The following TK2 variants were observed in gnomAD, a reference collection of about 807,000 sequenced individuals.
TK2 encodes thymidine kinase 2, mitochondrial.
A neutral mutation model predicts 41.9 loss-of-function variants in TK2; 35 were observed. The ratio of observed to expected loss-of-function variants is 0.84; its 90% confidence interval spans 0.64 to 1.11. The LOEUF is 1.11. TK2 is among the 50% of genes least tolerant of loss of function. The pLI, the probability that TK2 is intolerant of heterozygous loss-of-function variation, is 0.00. For synonymous variants in TK2, 128 were observed against 129.1 expected, an observed-to-expected ratio of 0.99 and a Z score of 0.06; for missense variants, 320 against 351.1, an observed-to-expected ratio of 0.91 and a Z score of 0.71.
Position 66,531,428 on chromosome 16 carries a change from T to A in TK2, c.327A>T (p.Leu109=). Residue 109 remains leucine (L), a synonymous_variant, in exon 5 of 10, where the codon CTA becomes CTT. Transcript: ENST00000544898. ...GCATGGTGAGCTGCACATAAGTCTG[T>A]AGCGTAAGACCCCAGCGAGAGGCAT... ...YHDASRWGLT[L]QTYVQLTMLD... 6.2e-7 allele frequency: 1 copy of A among 1,614,160 alleles called. No homozygotes were observed. The highest frequency in any genetic ancestry group is 1.1e-5 in the South Asian group (1 of 91,080).
chr16:66,548,688 G>A, intron 2 of TK2: 1 of 400,446 alleles, frequency 2.5e-6, no homozygotes, highest in South Asian at 2.9e-5. Context: ...AACACAATGA[G>A]CGTTTTTCAA....
At chr16:66,518,625 A>G (rs1964686242) in intron 6 of TK2, among the ~76,000 whole-genome samples, 1 of 152,256 alleles carries the variant, frequency 6.6e-6, no homozygotes, top group South Asian at 2.1e-4. Flanking sequence ...GTAAATCTAT[A>G]TAACAGAAAA....
chr16:66,522,964 A>G (rs1161535536), intron 6 of TK2, among the ~76,000 whole-genome samples: 1 of 152,202 alleles, frequency 6.6e-6, no homozygotes, highest in Admixed American at 6.5e-5. Context: ...TGGTGGCATA[A>G]CTGCAGTTAC....
chr16:66,534,999 T>G (rs965420800), intron 4 of TK2, among the ~76,000 whole-genome samples: 4 of 152,192 alleles, frequency 2.6e-5, no homozygotes, highest in Admixed American at 2.6e-4. Context: ...TCATTTTTGC[T>G]TTTCATTTTT....
At chr16:66,513,647 C>T in intron 9 of TK2, 84 bp downstream of exon 9, 1 of 1,265,300 alleles carries the variant, frequency 7.9e-7, no homozygotes, top group Non-Finnish European at 1.1e-6. Flanking sequence ...ACTGTGCCCT[C>T]CCCTGTCTGC....
In TK2 at chr16:66,517,193, C is replaced by A. The variant is rs781460567; in HGVS notation, c.561G>T (p.Glu187Asp). 1.9e-6 allele frequency: 3 copies of A among 1,614,168 alleles called. No homozygotes were observed. The Admixed American group carries it at 5.0e-5, about 27-fold the overall frequency. Residue 187 changes from glutamate to aspartate, a missense_variant, in exon 8 of 10, where the codon GAG (glutamate) becomes GAT (aspartate). Coordinates refer to ENST00000544898, the MANE Select transcript of TK2 (RefSeq NM_004614.5). The surrounding 1 kb of genome is among the most constrained non-coding windows in gnomAD (Gnocchi z 4.3). Reference protein sequence around the residue: ...DLIVYLRTNPETCYQRLKKRC... With the variant: ...DLIVYLRTNPDTCYQRLKKRC... ...TCTTCTTTAACCTCTGGTAACAAGT[C>A]TCAGGATTGGTCCGAAGGTAAACTG...
chr16:66,515,780 G>A (rs1964593889), intron 8 of TK2, among the ~76,000 whole-genome samples: 1 of 152,162 alleles, frequency 6.6e-6, no homozygotes, highest in Admixed American at 6.5e-5. Flanking sequence ...TAGCATTCTT[G>A]TCTCCAAGAT....
chr16:66,537,756 G>A (rs1965331565), intron 3 of TK2, among the ~76,000 whole-genome samples: 1 of 152,192 alleles, frequency 6.6e-6, no homozygotes, highest in Non-Finnish European at 1.5e-5. Context: ...TGGTGTTCTT[G>A]GGGCCAAGAT....
rs1965744393 is a variant in TK2 at position 66,550,017 on chromosome 16, GCGCAGCGCCCGGGCGGCCCAGCCC to G, written c.21_44del (p.Gly8_Arg15del). ...TCCCGCGACTTCCCGGCCCAAAGCAGCGCAGCGCCCGGGCGGCCCAGCCCCGCAGCGGCCACAGCAGCATAGCCG... is the reference window on the plus strand; with the variant it reads ...TCCCGCGACTTCCCGGCCCAAAGCAGCGCAGCGGCCACAGCAGCATAGCCG... On this transcript the variant is annotated inframe_deletion, in exon 1 of 10. Transcript: ENST00000544898. 17 of 1,546,232 alleles carry G rather than the reference GCGCAGCGCCCGGGCGGCCCAGCCC, an allele frequency of 1.1e-5. No homozygotes were observed. The highest frequency in any genetic ancestry group is 1.5e-5 in the Non-Finnish European group (17 of 1,146,920).
intron 2 of TK2, among the ~76,000 whole-genome samples, chr16:66,545,621 C>T (rs150542235): frequency 0.014 from 2,144 of 152,210 alleles, 23 homozygotes; most frequent in Non-Finnish European, 0.023. Flanking sequence ...GTTAGGAGTT[C>T]GAGACCAGCC....
chr16:66,518,442 A>C (rs2144358908), intron 6 of TK2, among the ~76,000 whole-genome samples: 1 of 152,298 alleles, frequency 6.6e-6, no homozygotes, highest in African/African-American at 2.4e-5. Flanking sequence ...AGGCAGGTGG[A>C]TCACTTGAGC....
At chr16:66,544,212 C>A (rs1024571038) in intron 2 of TK2, among the ~76,000 whole-genome samples, 1 of 152,064 alleles carries the variant, frequency 6.6e-6, no homozygotes, top group Non-Finnish European at 1.5e-5. Flanking sequence ...GCAGGCAACG[C>A]AGGAAGAATC....
At chr16:66,531,524 C>A in intron 4 of TK2, 55 bp from the exon 5 acceptor site, 1 of 1,563,760 alleles carries the variant, frequency 6.4e-7, no homozygotes, top group South Asian at 1.1e-5. Flanking sequence ...CAGGAGGACC[C>A]TGGTCTCACA....
chr16:66,548,823 T>C (rs1465430323), intron 2 of TK2, 155 bp downstream of exon 2: 1 of 730,406 alleles, frequency 1.4e-6, no homozygotes, highest in African/African-American at 1.8e-5. Context: ...AGAGGTGGCC[T>C]TCTAGGAGGG....
intron 1 of TK2, chr16:66,549,698 C>A: frequency 8.0e-7 from 1 of 1,253,488 alleles, no homozygotes; most frequent in Non-Finnish European, 1.0e-6. Context: ...AGAGCGTGTC[C>A]GTCCTGCTCT....
chr16:66,533,950 G>A (rs2144421854), intron 4 of TK2, among the ~76,000 whole-genome samples: 1 of 146,900 alleles, frequency 6.8e-6, no homozygotes, highest in Non-Finnish European at 1.5e-5. Flanking sequence ...GGAGCTTGCA[G>A]TGAGCCGAGA....
intron 3 of TK2, 117 bp from the exon 4 acceptor site, chr16:66,537,134 A>G: frequency 6.9e-7 from 1 of 1,444,366 alleles, no homozygotes; most frequent in Non-Finnish European, 9.6e-7. Context: ...AGACTATCCA[A>G]ATTTGGGTGC....
chr16:66,529,656 C>T (rs759974145), intron 5 of TK2, among the ~76,000 whole-genome samples: 1 of 152,180 alleles, frequency 6.6e-6, no homozygotes, highest in Non-Finnish European at 1.5e-5. Flanking sequence ...CTTTGTCCAG[C>T]GTTCCTCTGG....
intron 9 of TK2, among the ~76,000 whole-genome samples, chr16:66,513,370 G>T (rs895499811): frequency 1.3e-5 from 2 of 152,180 alleles, no homozygotes; most frequent in African/African-American, 4.8e-5. Flanking sequence ...CCAAACAAAG[G>T]TGAAATGAGG....
Sources: allele counts gnomAD v4.1 joint callset (sites outside exome capture counted in the v4.1 genomes callset), GRCh38; gene constraint gnomAD v4.1.1; non-coding constraint Gnocchi (gnomAD v3.1); transcripts MANE v1.5; gene names NCBI Gene and HGNC (gene_info 2026-07-23, HGNC 2026-07-21).